Variants in ANK1 observed in about 807,000 individuals in gnomAD.
The protein encoded by ANK1 is ankyrin-1.
A neutral mutation model predicts 210.4 loss-of-function variants in ANK1; 51 were observed. The observed-to-expected ratio is 0.24, with a 90% CI of 0.19 to 0.31. ANK1 has a LOEUF of 0.31. Among genes scored for constraint, ANK1 ranks in the 10% least tolerant of loss-of-function variants. ANK1 has a pLI of 1.00. For missense variants in ANK1, 2,051 were observed against 2,504.4 expected (o/e 0.82, Z 3.86); for synonymous variants, 967 against 1,025.9 (o/e 0.94, Z 1.10).
At chr8:41,843,282 T>C (rs903442389) in intron 1 of ANK1, among the ~76,000 whole-genome samples, 2 of 152,224 alleles carry the variant, frequency 1.3e-5, no homozygotes, top group African/African-American at 4.8e-5. Flanking sequence ...CCTGTGTCCA[T>C]CACCCAAGTA....
At chr8:41,670,600 T>A (rs1563363725) in intron 38 of ANK1, among the ~76,000 whole-genome samples, 1 of 152,228 alleles carries the variant, frequency 6.6e-6, no homozygotes, top group African/African-American at 2.4e-5. Context: ...AAAAATTAAA[T>A]CTTTGCTGTC....
chr8:41,731,983 A>C (rs1057102947), intron 3 of ANK1, among the ~76,000 whole-genome samples: 1 of 152,244 alleles, frequency 6.6e-6, no homozygotes, highest in Non-Finnish European at 1.5e-5. Flanking sequence ...GGAATTTGAC[A>C]TAGAATTTGG....
intron 1 of ANK1, among the ~76,000 whole-genome samples, chr8:41,796,321 A>C (rs987261524): frequency 1.3e-5 from 2 of 152,056 alleles, no homozygotes; most frequent in African/African-American, 2.4e-5. Context: ...CCTGCAAAAC[A>C]CTTGCGTTTG....
Position 41,797,587 on chromosome 8 carries a change from G to A in ANK1, c.-49C>T. 1 of 1,610,476 alleles carries A rather than the reference G, an allele frequency of 6.2e-7. No homozygotes were observed. Among genetic ancestry groups the A allele is most frequent in the Non-Finnish European group, 8.5e-7 (1 of 1,179,066 alleles). Reference sequence around the variant, plus strand: ...CCGAAGGGCCTTGGGGGCTTGAGGAGGAGCAGCTGGGGCTGGCGGACTCAC... The same window carrying A: ...CCGAAGGGCCTTGGGGGCTTGAGGAAGAGCAGCTGGGGCTGGCGGACTCAC... On this transcript the variant is annotated 5_prime_UTR_variant, in exon 1 of 43. Coordinates refer to ENST00000289734, the MANE Select transcript of ANK1 (RefSeq NM_000037.4). This position sits in a 1 kb window ranked among gnomAD's most constrained non-coding sequence, Gnocchi z 4.0.
rs1399908088 is a variant in ANK1, at chr8:41,661,683, G to A, written c.5545-119C>T. ...GACACACTGCCCACCAGGGAGAAGA[G>A]AGACTGGAGAGAGAGCTCATAAAGA... On this transcript the variant is annotated intron_variant, in intron 41 of 42. Coordinates refer to ENST00000289734, the MANE Select transcript of ANK1 (RefSeq NM_000037.4). The A allele has an allele frequency of 3.1e-6, 5 of 1,597,794 alleles. No individual in the cohort carries two copies. In the African/African-American group the frequency reaches 5.4e-5, roughly 17 times the overall value.
chr8:41,856,130 G>C (rs1424887607), intron 1 of ANK1, among the ~76,000 whole-genome samples: 1 of 152,188 alleles, frequency 6.6e-6, no homozygotes, highest in East Asian at 1.9e-4. Flanking sequence ...ATCTGGACAC[G>C]TTTGAGAAAC....
intron 10 of ANK1, among the ~76,000 whole-genome samples, chr8:41,718,817 T>C (rs1828451063): frequency 6.6e-6 from 1 of 152,182 alleles, no homozygotes. Context: ...AGGAGAGCTA[T>C]GAGTGCTTAG....
At chr8:41,876,450 T>C (rs1054154643) in intron 1 of ANK1, among the ~76,000 whole-genome samples, 21 of 152,186 alleles carry the variant, frequency 1.4e-4, no homozygotes, top group Non-Finnish European at 2.9e-4. Context: ...CAAGGTAACC[T>C]TGAAACCTCA....
chr8:41,813,295 G>GA (rs1175080636), intron 1 of ANK1, among the ~76,000 whole-genome samples: 4 of 152,164 alleles, frequency 2.6e-5, no homozygotes, highest in African/African-American at 4.8e-5. Context: ...GGGGCTTCTG[G>GA]AAAAGGACAG....
intron 39 of ANK1, 117 bp from the exon 40 acceptor site, chr8:41,663,859 C>G (rs1374121742): frequency 1.2e-6 from 1 of 842,792 alleles, no homozygotes; most frequent in African/African-American, 1.7e-5. Context: ...AATAACTCCC[C>G]CAGCAGGAAA....
chr8:41,712,904 A>C (rs559738759), intron 16 of ANK1, among the ~76,000 whole-genome samples: 25 of 152,236 alleles, frequency 1.6e-4, no homozygotes, highest in African/African-American at 5.5e-4. Flanking sequence ...TAGAGGCAGG[A>C]GTAAGTCGAC....
intron 1 of ANK1, among the ~76,000 whole-genome samples, chr8:41,873,862 G>A (rs888337280): frequency 4.6e-5 from 7 of 152,152 alleles, no homozygotes; most frequent in African/African-American, 9.7e-5. Flanking sequence ...TGCCTTATAC[G>A]TTGAACCAAG....
At chr8:41,889,702 A>G (rs894824858) in intron 1 of ANK1, among the ~76,000 whole-genome samples, 1 of 152,222 alleles carries the variant, frequency 6.6e-6, no homozygotes, top group Non-Finnish European at 1.5e-5. Context: ...AACACCACAC[A>G]TTCCATTATC....
In ANK1 at chr8:41,813,150, G is replaced by A. The variant is rs184508567; in HGVS notation, c.127-55013C>T. On this transcript the variant is annotated intron_variant, in intron 1 of 42. Transcript: ENST00000265709. ...AAATGTCTAGATTGTGGGTTATAACGAAGCACATTTTGCAGTTTGAATGTC... is the reference window on the plus strand; with the variant it reads ...AAATGTCTAGATTGTGGGTTATAACAAAGCACATTTTGCAGTTTGAATGTC... Among the ~76,000 whole-genome samples the A allele has an allele frequency of 1.4e-4, 21 of 152,306 alleles. 1 individual carries two copies. The highest frequency in any genetic ancestry group is 3.9e-4 in the Admixed American group (6 of 15,302).
intron 23 of ANK1, among the ~76,000 whole-genome samples, chr8:41,698,492 G>C (rs1821740884): frequency 6.6e-6 from 1 of 152,194 alleles, no homozygotes. Flanking sequence ...AATTCAAATG[G>C]AGTAAATGGC....
chr8:41,844,516 AC>A (rs1053565452), intron 1 of ANK1, among the ~76,000 whole-genome samples: 116 of 149,744 alleles, frequency 7.7e-4, no homozygotes, highest in Non-Finnish European at 1.1e-3. Context: ...CCCACCACAC[AC>A]CCCCCACACA....
At chr8:41,831,903 T>G (rs1033058128) in intron 1 of ANK1, among the ~76,000 whole-genome samples, 3 of 152,118 alleles carry the variant, frequency 2.0e-5, no homozygotes, top group Non-Finnish European at 4.4e-5. Flanking sequence ...CCCAAAAGCA[T>G]GCTGCTACAC....
intron 26 of ANK1, among the ~76,000 whole-genome samples, chr8:41,696,110 G>A (rs1163466452): frequency 2.0e-5 from 3 of 152,134 alleles, no homozygotes; most frequent in Non-Finnish European, 4.4e-5. Context: ...GGCTGGTCTC[G>A]AACTCCTGGC....
intron 1 of ANK1, among the ~76,000 whole-genome samples, chr8:41,783,752 C>T (rs888959310): frequency 1.4e-4 from 22 of 152,110 alleles, no homozygotes; most frequent in Admixed American, 1.4e-3. Flanking sequence ...GAGTCACAAA[C>T]CAAGGAAGCA....
Sources: gnomAD v4.1 joint callset for allele counts (sites outside exome capture counted in the v4.1 genomes callset) on GRCh38, gnomAD v4.1.1 for gene constraint, Gnocchi (gnomAD v3.1) non-coding constraint, MANE v1.5 for transcripts, NCBI Gene and HGNC (gene_info 2026-07-23, HGNC 2026-07-21) for gene names.